Variants in FYB1 observed in about 807,000 individuals in gnomAD.
The protein encoded by FYB1 is FYN binding protein 1.
In FYB1, 41 loss-of-function variants were observed where a neutral mutation model predicts 94.1. The observed-to-expected ratio is 0.44, with a 90% CI of 0.34 to 0.57. The LOEUF is 0.57. Among genes scored for constraint, FYB1 ranks in the 20% least tolerant of loss-of-function variants. The pLI is 0.02. For synonymous variants in FYB1, 367 were observed against 353.2 expected, an observed-to-expected ratio of 1.04 and a Z score of -0.44; for missense variants, 1,050 against 976.8, an observed-to-expected ratio of 1.07 and a Z score of -1.00.
In FYB1 at chr5:39,217,567, A is replaced by G. The variant is rs12659027; in HGVS notation, c.-28+1876T>C. 1.1e-4 allele frequency among the ~76,000 whole-genome samples: 16 copies of G among 152,298 alleles called. No homozygotes were observed. The East Asian group carries it at 1.2e-3, about 11-fold the overall frequency. On this transcript the variant is annotated intron_variant, in intron 1 of 18. Coordinates refer to ENST00000512982, the MANE Select transcript of FYB1 (RefSeq NM_001465.6). Reference sequence around the variant, plus strand: ...TCAGGGATCACCTCAAAACAGGTCAATGGAGACGTTACTGTTATCCCCATT... The same window carrying G: ...TCAGGGATCACCTCAAAACAGGTCAGTGGAGACGTTACTGTTATCCCCATT...
intron 3 of FYB1, among the ~76,000 whole-genome samples, chr5:39,143,091 A>G (rs1432940509): frequency 6.6e-6 from 1 of 152,142 alleles, no homozygotes; most frequent in Non-Finnish European, 1.5e-5. Context: ...ATAGCTTTAT[A>G]TATGATCTTA....
At chr5:39,211,317 CTTTTCT>C (rs1484280461) in intron 1 of FYB1, among the ~76,000 whole-genome samples, 4 of 113,804 alleles carry the variant, frequency 3.5e-5, no homozygotes, top group African/African-American at 1.4e-4. Flanking sequence ...TTTTTCTTTT[CTTTTCT>C]TTTTTTTTTT....
chr5:39,160,013 G>GA (rs1250091617), intron 2 of FYB1, among the ~76,000 whole-genome samples: 1 of 152,008 alleles, frequency 6.6e-6, no homozygotes, highest in Non-Finnish European at 1.5e-5. Context: ...AAACTTCTTG[G>GA]AAAAAACCCC....
chr5:39,197,118 T>C (rs1747902619), intron 2 of FYB1, among the ~76,000 whole-genome samples: 1 of 152,218 alleles, frequency 6.6e-6, no homozygotes, highest in South Asian at 2.1e-4. Context: ...CATATAGAGT[T>C]ATTAGATGAA....
rs573555214 is a variant in FYB1 at position 39,149,583 on chromosome 5, G to T, written c.1292+3865C>A. ...GTTGCCCTTTCTTTGTAAAGGAGTT[G>T]TTTATATTTGCTCTGTCCAATTCCT... is the stretch of plus-strand genomic sequence containing the variant. On this transcript the variant is annotated intron_variant, in intron 3 of 18. Coordinates refer to ENST00000512982, the MANE Select transcript of FYB1 (RefSeq NM_001465.6). 1.2e-4 allele frequency among the ~76,000 whole-genome samples: 18 copies of T among 152,164 alleles called. 1 individual carries two copies. In the South Asian group the frequency reaches 3.5e-3, roughly 30 times the overall value.
intron 2 of FYB1, among the ~76,000 whole-genome samples, chr5:39,200,450 A>C (rs541672481): frequency 1.4e-3 from 207 of 152,290 alleles, no homozygotes; most frequent in Admixed American, 3.7e-3. Flanking sequence ...ACAGCCATAA[A>C]ATGGAGGTCA....
In FYB1 at chr5:39,168,634, A is replaced by C. The variant is rs142418121; in HGVS notation, c.1136-15030T>G. 5.0e-3 allele frequency among the ~76,000 whole-genome samples: 768 copies of C among 152,324 alleles called. 1 individual carries two copies. Among genetic ancestry groups the C allele is most frequent in the Non-Finnish European group, 7.1e-3 (480 of 68,022 alleles). ...ATAATATCAAACAATGCCAGGTTTT[A>C]CAGCTTCTAAGTCTAATTCTTAAAT... On this transcript the variant is annotated intron_variant, in intron 2 of 18. Transcript: ENST00000512982.
At chr5:39,170,388 C>T (rs551685284) in intron 2 of FYB1, 113 of 709,004 alleles carry the variant, frequency 1.6e-4, no homozygotes, top group Non-Finnish European at 1.3e-4. Context: ...CCAGCTGCAC[C>T]GTGGTCTTGT....
chr5:39,211,390 G>C (rs370459768), intron 1 of FYB1, among the ~76,000 whole-genome samples: 5 of 149,666 alleles, frequency 3.3e-5, no homozygotes, highest in South Asian at 2.1e-4. Context: ...GCGCGATCTC[G>C]GCCCACTGCA....
chr5:39,118,000 TG>T (rs1392984889), intron 16 of FYB1, among the ~76,000 whole-genome samples: 1 of 152,042 alleles, frequency 6.6e-6, no homozygotes, highest in Non-Finnish European at 1.5e-5. Context: ...TCAGCTCAAG[TG>T]ATATTTTTCT....
At chr5:39,245,088 G>A (rs1751409835) in intron 1 of FYB1, among the ~76,000 whole-genome samples, 1 of 151,416 alleles carries the variant, frequency 6.6e-6, no homozygotes. Flanking sequence ...TTTTCTTAAA[G>A]TTGTCAAATG....
chr5:39,118,798 T>C, intron 16 of FYB1, 76 bp downstream of exon 16: 1 of 879,190 alleles, frequency 1.1e-6, no homozygotes, highest in South Asian at 3.3e-5. Context: ...CACAGAGTAG[T>C]CACTAAAACT....
At chr5:39,180,069 C>T (rs1746078343) in intron 2 of FYB1, among the ~76,000 whole-genome samples, 2 of 152,178 alleles carry the variant, frequency 1.3e-5, no homozygotes, top group African/African-American at 4.8e-5. Flanking sequence ...AGAAGGTAAA[C>T]TTCAGGAGAA....
At chr5:39,188,964 C>T (rs1747107292) in intron 2 of FYB1, among the ~76,000 whole-genome samples, 1 of 152,200 alleles carries the variant, frequency 6.6e-6, no homozygotes, top group Non-Finnish European at 1.5e-5. Context: ...CATTCTTATG[C>T]AACTAGAAGT....
rs184585007 is a variant in FYB1, at chr5:39,110,305, A to T, written c.2435+51T>A. 21 of 1,164,554 alleles carry T rather than the reference A, an allele frequency of 1.8e-5. No homozygotes were observed. The East Asian group carries it at 5.0e-4, about 28-fold the overall frequency. The allele number at this position is 1,164,554 out of a possible 1,614,324, so 72.1% of individuals were successfully genotyped here. On this transcript the variant is annotated intron_variant, in intron 17 of 18. Transcript: ENST00000512982. ...TAATATTATAAATATTTTAAAAAGA[A>T]AGGCACAAAATTCTTTTCACAAGCA... is the stretch of plus-strand genomic sequence containing the variant.
chr5:39,124,077 T>A (rs533972647), intron 13 of FYB1, among the ~76,000 whole-genome samples, 176 bp downstream of exon 13: 2 of 152,274 alleles, frequency 1.3e-5, no homozygotes, highest in South Asian at 4.1e-4. Context: ...TTTCTCATCT[T>A]GCTATTTTAT....
intron 3 of FYB1, among the ~76,000 whole-genome samples, chr5:39,153,192 T>C (rs1743406416): frequency 1.3e-5 from 2 of 151,538 alleles, no homozygotes; most frequent in African/African-American, 4.8e-5. Context: ...CAGTGGAAAT[T>C]TGCTTCTATA....
At chr5:39,257,208 TA>T (rs1751975833) in intron 1 of FYB1, among the ~76,000 whole-genome samples, 1 of 152,226 alleles carries the variant, frequency 6.6e-6, no homozygotes, top group Non-Finnish European at 1.5e-5. Flanking sequence ...TAGCTAGTTT[TA>T]AAAGGCATAT....
chr5:39,226,009 G>T (rs1360499003), intron 1 of FYB1, among the ~76,000 whole-genome samples: 1 of 152,110 alleles, frequency 6.6e-6, no homozygotes, highest in Non-Finnish European at 1.5e-5. Context: ...CCTCTCATGG[G>T]TCCCTGGTTC....
Sources: allele counts gnomAD v4.1 joint callset (sites outside exome capture counted in the v4.1 genomes callset), GRCh38; gene constraint gnomAD v4.1.1; transcripts MANE v1.5; gene names NCBI Gene and HGNC (gene_info 2026-07-23, HGNC 2026-07-21).